The following OR3A2 variants were observed in gnomAD, a reference collection of about 807,000 sequenced individuals.
OR3A2 encodes the protein olfactory receptor family 3 subfamily A member 2, also known as olfactory receptor 3A2.
For synonymous variants in OR3A2, 126 were observed against 159.3 expected, an observed-to-expected ratio of 0.79 and a Z score of 1.57; for missense variants, 318 against 392.8, an observed-to-expected ratio of 0.81 and a Z score of 1.61.
intron 3 of OR3A2, among the ~76,000 whole-genome samples, chr17:3,332,381 C>T (rs9911109): frequency 0.15 from 22,935 of 152,054 alleles, 2,293 homozygotes; most frequent in African/African-American, 0.28. Flanking sequence ...GGCGTAGGAC[C>T]CTCCGAGCCA....
chr17:3,346,019 G>A (rs1359142137), intron 2 of OR3A2, among the ~76,000 whole-genome samples: 1 of 152,072 alleles, frequency 6.6e-6, no homozygotes, highest in African/African-American at 2.4e-5. Context: ...CTAACAGCAG[G>A]CTAGGTGTTT....
chr17:3,310,118 T>C (rs944268538), intron 3 of OR3A2: 1 of 340,498 alleles, frequency 2.9e-6, no homozygotes, highest in Non-Finnish European at 5.8e-6. Context: ...AAGAGTCAGA[T>C]ATCAAGTCTT....
chr17:3,353,316 ACTT>A (rs1413308963), intron 2 of OR3A2, among the ~76,000 whole-genome samples: 1 of 151,308 alleles, frequency 6.6e-6, no homozygotes, highest in Non-Finnish European at 1.5e-5. Context: ...GGGTAATCTG[ACTT>A]CTTCTTTTCC....
chr17:3,334,205 C>G (rs892151436), intron 3 of OR3A2, among the ~76,000 whole-genome samples: 1 of 152,152 alleles, frequency 6.6e-6, no homozygotes, highest in Non-Finnish European at 1.5e-5. Flanking sequence ...GGCGATTCCT[C>G]AGAGATCTAG....
At chr17:3,291,638 A>G in intron 3 of OR3A2, 1 of 1,595,128 alleles carries the variant, frequency 6.3e-7, no homozygotes, top group Non-Finnish European at 8.6e-7. Context: ...GACCTCCTCA[A>G]GCCAGTGACC....
At chr17:3,327,901 G>C (rs1386656497) in intron 3 of OR3A2, among the ~76,000 whole-genome samples, 8 of 130,276 alleles carry the variant, frequency 6.1e-5, no homozygotes, top group Non-Finnish European at 8.1e-5. Flanking sequence ...GCTCTGTTCT[G>C]TTCCATTGAC....
At chr17:3,283,856 CAGCT>C in intron 1 of OR3A2, among the ~76,000 whole-genome samples, 1 of 148,850 alleles carries the variant, frequency 6.7e-6, no homozygotes, top group Middle Eastern at 3.4e-3. Flanking sequence ...AACCCTCAGA[CAGCT>C]AGAGATACAA....
At chr17:3,324,814 C>T (rs1352230004) in intron 3 of OR3A2, among the ~76,000 whole-genome samples, 2 of 152,120 alleles carry the variant, frequency 1.3e-5, no homozygotes, top group South Asian at 2.1e-4. Flanking sequence ...CAGAGACCCA[C>T]TTGAGGAGGC....
intron 2 of OR3A2, among the ~76,000 whole-genome samples, chr17:3,382,940 G>A (rs145535199): frequency 6.6e-5 from 10 of 152,214 alleles, no homozygotes; most frequent in African/African-American, 1.4e-4. Context: ...GCACAATGCC[G>A]GACCCAATAA....
At chr17:3,335,827 C>T (rs777418822) in intron 3 of OR3A2, among the ~76,000 whole-genome samples, 1 of 152,172 alleles carries the variant, frequency 6.6e-6, no homozygotes, top group Non-Finnish European at 1.5e-5. Context: ...TTTAAGAATA[C>T]ACCACCTGGC....
At chr17:3,303,816 T>C (rs1318197316) in intron 3 of OR3A2, among the ~76,000 whole-genome samples, 3 of 150,404 alleles carry the variant, frequency 2.0e-5, no homozygotes, top group Non-Finnish European at 3.0e-5. Flanking sequence ...CGCTTGAACC[T>C]GGGAGGCGGA....
chr17:3,295,551 G>A (rs1165434756), intron 3 of OR3A2, among the ~76,000 whole-genome samples: 1 of 151,960 alleles, frequency 6.6e-6, no homozygotes, highest in Non-Finnish European at 1.5e-5. Context: ...AACAATAAAA[G>A]CAAACAGTAT....
At chr17:3,288,876 A>G (rs1439067462), upstream of OR3A2, among the ~76,000 whole-genome samples, 2 of 152,242 alleles carry the variant, frequency 1.3e-5, no homozygotes, top group African/African-American at 4.8e-5. Context: ...AGCTATATAT[A>G]TAAATACTAA....
At chr17:3,283,463 G>A (rs910993109) in intron 1 of OR3A2, among the ~76,000 whole-genome samples, 13 of 152,180 alleles carry the variant, frequency 8.5e-5, no homozygotes, top group Admixed American at 5.2e-4. Context: ...GACCTCAGGT[G>A]ATCCGCCCAC....
chr17:3,329,055 T>A (rs1354973002), intron 3 of OR3A2, among the ~76,000 whole-genome samples: 1 of 151,410 alleles, frequency 6.6e-6, no homozygotes. Flanking sequence ...ATCCCAGGGA[T>A]GAAGCCCACT....
At chr17:3,358,136 T>C (rs996696949) in intron 2 of OR3A2, among the ~76,000 whole-genome samples, 1 of 151,700 alleles carries the variant, frequency 6.6e-6, no homozygotes, top group Admixed American at 6.6e-5. Flanking sequence ...GGCTGAATTA[T>C]ATCATATAAC....
At chr17:3,323,399 TATG>T (rs2049142527) in intron 3 of OR3A2, among the ~76,000 whole-genome samples, 1 of 152,100 alleles carries the variant, frequency 6.6e-6, no homozygotes, top group Non-Finnish European at 1.5e-5. Flanking sequence ...ATCTTGTCAT[TATG>T]ATGTCAGCTG....
chr17:3,281,955 T>A (rs1414954566), intron 1 of OR3A2, among the ~76,000 whole-genome samples: 2 of 152,152 alleles, frequency 1.3e-5, no homozygotes, highest in African/African-American at 4.8e-5. Context: ...CAGGTGGTTC[T>A]AATGCCCAGC....
intron 3 of OR3A2, among the ~76,000 whole-genome samples, chr17:3,335,593 T>C (rs2049270313): frequency 6.6e-6 from 1 of 152,206 alleles, no homozygotes; most frequent in Non-Finnish European, 1.5e-5. Flanking sequence ...TAAATCACTA[T>C]GGCTCAAATT....
Sources: gnomAD v4.1 joint callset for allele counts (sites outside exome capture counted in the v4.1 genomes callset) on GRCh38, gnomAD v4.1.1 for gene constraint, MANE v1.5 for transcripts, NCBI Gene and HGNC (gene_info 2026-07-23, HGNC 2026-07-21) for gene names.